Variants in FNDC1 observed in about 807,000 individuals in gnomAD.
The protein encoded by FNDC1 is fibronectin type III domain-containing protein 1.
A neutral mutation model predicts 168.0 loss-of-function variants in FNDC1; 96 were observed. That is an observed-to-expected ratio of 0.57 (90% confidence interval 0.48 to 0.68). FNDC1 has a LOEUF of 0.68. Among genes scored for constraint, FNDC1 ranks in the 30% least tolerant of loss-of-function variants. The probability of loss-of-function intolerance (pLI) is 0.00; values close to 1 mark genes in which losing one functional copy is unlikely to be tolerated. For missense variants in FNDC1, 2,587 were observed against 2,482.1 expected (o/e 1.04, Z -0.90); for synonymous variants, 1,099 against 1,025.9 (o/e 1.07, Z -1.36).
rs1468630794 is a variant in FNDC1 at position 159,239,731 on chromosome 6, C to A, written c.4395C>A (p.Thr1465=). 3.9e-6 allele frequency: 6 copies of A among 1,548,112 alleles called. No homozygotes were observed. Among genetic ancestry groups the A allele is most frequent in the Non-Finnish European group, 5.2e-6 (6 of 1,144,894 alleles). The stretch of plus-strand genomic sequence containing the variant: ...CGACGCCCCTGCCTACCACTACAAC[C>A]CCGAGGCCCACCACTGCCACCACCC... The part of the protein sequence containing the change: ...TTTTPLPTTT[T]PRPTTATTRR... The change falls in exon 14 of 23, where the codon ACC becomes ACA. Residue 1465 remains threonine (T), a synonymous_variant. Transcript: ENST00000297267.
At chr6:159,234,605 A>G (rs919333388) in intron 11 of FNDC1, 126 bp downstream of exon 11, 37 of 869,566 alleles carry the variant, frequency 4.3e-5, no homozygotes, top group Non-Finnish European at 6.4e-5. Flanking sequence ...AGAGCTTTGC[A>G]CATGTGACAT....
At chr6:159,178,633 CAT>C (rs1781816932) in intron 1 of FNDC1, among the ~76,000 whole-genome samples, 2 of 152,172 alleles carry the variant, frequency 1.3e-5, no homozygotes, top group South Asian at 4.2e-4. Context: ...TTAAGAATGT[CAT>C]ATAAATGCCG....
At chr6:159,264,163 G>A (rs1263000794) in intron 19 of FNDC1, among the ~76,000 whole-genome samples, 3 of 152,204 alleles carry the variant, frequency 2.0e-5, no homozygotes, top group Non-Finnish European at 4.4e-5. Flanking sequence ...TGAAGCCATT[G>A]TCACTGTCAA....
intron 14 of FNDC1, among the ~76,000 whole-genome samples, chr6:159,240,289 T>G (rs888932020): frequency 6.6e-6 from 1 of 152,228 alleles, no homozygotes; most frequent in Admixed American, 6.5e-5. Flanking sequence ...CTTGTGACAT[T>G]ATTTGTTTGG....
At chr6:159,173,657 G>A (rs1001013100) in intron 1 of FNDC1, among the ~76,000 whole-genome samples, 1 of 152,164 alleles carries the variant, frequency 6.6e-6, no homozygotes, top group South Asian at 2.1e-4. Context: ...AAACAGGAGG[G>A]GAAGGAGAGT....
Position 159,234,199 on chromosome 6 carries a change from G to A in FNDC1, c.3687G>A (p.Ala1229=). 1.3e-6 allele frequency: 2 copies of A among 1,598,208 alleles called. No individual in the cohort carries two copies. The highest frequency in any genetic ancestry group is 8.5e-7 in the Non-Finnish European group (1 of 1,172,438). The part of the protein sequence containing the change: ...LAKEEREPAI[A]LAPRGGSLAP... Reference sequence around the variant, plus strand: ...AGGAAGAGAGGGAGCCTGCCATCGCGCTTGCCCCTCGCGGAGGGAGCCTGG... The same window carrying A: ...AGGAAGAGAGGGAGCCTGCCATCGCACTTGCCCCTCGCGGAGGGAGCCTGG... The change falls in exon 11 of 23, where the codon GCG becomes GCA. Residue 1229 remains alanine (A), a synonymous_variant. Transcript: ENST00000297267.
At chr6:159,252,020 G>C (rs1299761069) in intron 17 of FNDC1, among the ~76,000 whole-genome samples, 1 of 152,176 alleles carries the variant, frequency 6.6e-6, no homozygotes, top group Non-Finnish European at 1.5e-5. Flanking sequence ...TTTCACGTCT[G>C]TTGGGTGCTT....
At chr6:159,226,681 A>G (rs1213800740) in intron 9 of FNDC1, 101 bp downstream of exon 9, 5 of 881,032 alleles carry the variant, frequency 5.7e-6, no homozygotes, top group Non-Finnish European at 8.6e-6. Context: ...GAAGCAACAT[A>G]TGTCTAAGAG....
At chr6:159,256,883 A>G (rs1777386318) in intron 18 of FNDC1, among the ~76,000 whole-genome samples, 1 of 152,216 alleles carries the variant, frequency 6.6e-6, no homozygotes, top group Non-Finnish European at 1.5e-5. Flanking sequence ...ACTACCTGCC[A>G]TTAGGGAAAG....
At chr6:159,239,987 T>A (rs1783382900) in intron 14 of FNDC1, 30 bp downstream of exon 14, 2 of 1,456,716 alleles carry the variant, frequency 1.4e-6, no homozygotes, top group East Asian at 5.0e-5. Flanking sequence ...TGCTAACTAC[T>A]TACCAGGCAC....
rs1777620494 is a variant in FNDC1, at chr6:159,267,804, A to G, written c.5447A>G (p.Asp1816Gly). Residue 1816 changes from aspartate to glycine, a missense_variant and splice_region_variant, in exon 22 of 23, where the codon GAT (aspartate) becomes GGT (glycine). Physicochemically the swap from Asp to Gly is moderately conservative, Grantham distance 94. Transcript: ENST00000297267. ...YKIYLSDNLK[D>G]TFYSIGDSWG... is the part of the protein sequence containing the mutation. ...GGACTCAATCAATTCCTTCATGCAG[A>G]TACATTCTACAGCATTGGAGACAGC... 1 of 1,613,818 alleles carries G rather than the reference A, an allele frequency of 6.2e-7. No homozygotes were observed. Among genetic ancestry groups the G allele is most frequent in the South Asian group, 1.1e-5 (1 of 90,992 alleles).
rs914326440 is a variant in FNDC1, at chr6:159,241,344, T to C, written c.4621+1387T>C. On this transcript the variant is annotated intron_variant, in intron 14 of 22. Coordinates refer to ENST00000297267, the MANE Select transcript of FNDC1 (RefSeq NM_032532.3). ...TGCTATTATTTCACATTTTATTTTG[T>C]CTGCTTTTATTTAGGCCTTCCAACA... Among the ~76,000 whole-genome samples the C allele has an allele frequency of 1.3e-4, 20 of 152,368 alleles. No individual in the cohort carries two copies. The East Asian group carries it at 3.9e-3, about 29-fold the overall frequency.
At chr6:159,218,089 C>G (rs1583879648) in intron 5 of FNDC1, among the ~76,000 whole-genome samples, 1 of 152,192 alleles carries the variant, frequency 6.6e-6, no homozygotes, top group East Asian at 1.9e-4. Flanking sequence ...TTTGTTTCAA[C>G]GGACAGCTTG....
chr6:159,256,455 G>A (rs754557518), intron 17 of FNDC1, 68 bp from the exon 18 acceptor site: 3 of 1,186,818 alleles, frequency 2.5e-6, no homozygotes, highest in African/African-American at 3.0e-5. Flanking sequence ...CCTGTCCTCA[G>A]TGGGTTACAT....
rs1031134043 is a variant in FNDC1, at chr6:159,263,904, G to A, written c.5255-1071G>A. Among the ~76,000 whole-genome samples, 13 of 152,070 alleles carry A rather than the reference G, an allele frequency of 8.5e-5. No homozygotes were observed. In the East Asian group the frequency reaches 1.2e-3, roughly 14 times the overall value. On this transcript the variant is annotated intron_variant, in intron 19 of 22. Transcript: ENST00000297267. ...TAGGAGGTGGAGGTTGCAGTGAGCC[G>A]AGATTGTGCCATTGCACTCCAGCCT...
chr6:159,225,595 C>T lies in FNDC1; in HGVS notation c.945C>T (p.Ile315=), dbSNP rs1782937901. 11 of 1,613,704 alleles carry T rather than the reference C, an allele frequency of 6.8e-6. No homozygotes were observed. The highest frequency in any genetic ancestry group is 1.3e-5 in the African/African-American group (1 of 74,880). The part of the protein sequence containing the change: ...GELARWDYKQ[I]ANRRVLIENL... ...TGGCCAGGTGGGATTATAAGCAGAT[C>T]GCTAACAGGCGTGTGCTGATTGAGA... The change falls in exon 8 of 23, where the codon ATC becomes ATT. Residue 315 remains isoleucine (I), a synonymous_variant. Transcript: ENST00000297267.
chr6:159,258,998 G>A lies in FNDC1; in HGVS notation c.5175-2192G>A, dbSNP rs1777426627. 3.9e-5 allele frequency among the ~76,000 whole-genome samples: 6 copies of A among 152,164 alleles called. No homozygotes were observed. The South Asian group carries it at 1.2e-3, about 32-fold the overall frequency. On this transcript the variant is annotated intron_variant, in intron 18 of 22. Transcript: ENST00000297267. ...TTGCTTTTGACTTTAAGTGAGCATT[G>A]TCTACCTTAGTCACCAGACAGAGTC...
chr6:159,263,585 A>C (rs1449493894), intron 19 of FNDC1, among the ~76,000 whole-genome samples: 1 of 152,062 alleles, frequency 6.6e-6, no homozygotes, highest in Non-Finnish European at 1.5e-5. Context: ...ACACAGTGAA[A>C]TCCTGTCTGT....
At chr6:159,210,769 G>A (rs746180868) in intron 4 of FNDC1, among the ~76,000 whole-genome samples, 5 of 152,174 alleles carry the variant, frequency 3.3e-5, no homozygotes, top group Non-Finnish European at 5.9e-5. Flanking sequence ...GAGTTCAGAT[G>A]CAGAGTATGG....
Sources: gnomAD v4.1 joint callset for allele counts (sites outside exome capture counted in the v4.1 genomes callset) on GRCh38, gnomAD v4.1.1 for gene constraint, MANE v1.5 for transcripts, NCBI Gene and HGNC (gene_info 2026-07-23, HGNC 2026-07-21) for gene names.